Variants in PEX5L observed in about 807,000 individuals in gnomAD.
PEX5L encodes the protein peroxisomal biogenesis factor 5 like.
A neutral mutation model predicts 84.0 loss-of-function variants in PEX5L; 30 were observed. The ratio of observed to expected loss-of-function variants is 0.36; its 90% CI spans 0.27 to 0.48. The LOEUF is 0.48. Ranked by LOEUF, PEX5L falls within the 20% of genes least tolerant of loss-of-function variation. The pLI is 0.99. For synonymous variants in PEX5L, 270 were observed against 283.1 expected (o/e 0.95, Z 0.46); for missense variants, 533 against 754.6 (o/e 0.71, Z 3.44).
chr3:179,894,332 TGCCTGA>T (rs1338895338), intron 3 of PEX5L, among the ~76,000 whole-genome samples: 1 of 152,112 alleles, frequency 6.6e-6, no homozygotes, highest in African/African-American at 2.4e-5. Flanking sequence ...GTAACTCTGA[TGCCTGA>T]CAGAATTCAT....
intron 1 of PEX5L, among the ~76,000 whole-genome samples, chr3:179,989,367 CTTAGT>C (rs1787174386): frequency 6.6e-6 from 1 of 152,114 alleles, no homozygotes; most frequent in South Asian, 2.1e-4. Context: ...GCTCACCATG[CTTAGT>C]TTACATATTC....
At chr3:179,830,920 G>T (rs1732611354) in intron 8 of PEX5L, among the ~76,000 whole-genome samples, 3 of 152,156 alleles carry the variant, frequency 2.0e-5, no homozygotes, top group Non-Finnish European at 4.4e-5. Flanking sequence ...TCACTTGCCT[G>T]TATTAGCAAG....
chr3:179,847,417 G>A (rs186527641), intron 8 of PEX5L, among the ~76,000 whole-genome samples: 3 of 152,118 alleles, frequency 2.0e-5, no homozygotes, highest in Admixed American at 6.5e-5. Flanking sequence ...GAGGTATAAC[G>A]GGTTGCCCTC....
At position 179,820,048 on chromosome 3, in the gene PEX5L, C is replaced by T; in HGVS notation, c.823-72G>A. ...CATCATCTGTGTTTTTCTTCCCCCC[C>T]TAATAGATAAAAGAGGCTTCTGGGG... On this transcript the variant is annotated intron_variant, in intron 8 of 14. Transcript: ENST00000467460. 1.9e-6 allele frequency: 3 copies of T among 1,599,398 alleles called. No individual in the cohort carries two copies. In the South Asian group the frequency reaches 3.4e-5, roughly 18 times the overall value.
chr3:179,982,828 A>G (rs773226919), intron 1 of PEX5L, among the ~76,000 whole-genome samples: 11 of 152,096 alleles, frequency 7.2e-5, no homozygotes, highest in Middle Eastern at 3.2e-3. Context: ...GAGATGAAGC[A>G]AGGCTTTAGT....
chr3:179,876,495 TAA>T (rs566975818), intron 5 of PEX5L, among the ~76,000 whole-genome samples: 5 of 138,644 alleles, frequency 3.6e-5, no homozygotes, highest in Non-Finnish European at 4.7e-5. Flanking sequence ...AAACTCTGTC[TAA>T]AAAAAAAAAA....
chr3:179,819,672 T>G (rs891876091), intron 9 of PEX5L, among the ~76,000 whole-genome samples, 188 bp downstream of exon 9: 4 of 152,242 alleles, frequency 2.6e-5, no homozygotes, highest in Non-Finnish European at 4.4e-5. Context: ...TCATTCCAAC[T>G]TGGCTGCCTT....
rs778202286 is a variant in PEX5L at position 179,808,418 on chromosome 3, T to C, written c.1372A>G (p.Lys458Glu). ...PVDSSVLEGV[K>E]ELYLEAAHQN... ...TGGGCAGCTTCCAGATATAATTCCT[T>C]CACCCCTTCCAGAACAGAGCTACAA... Residue 458 changes from lysine (K) to glutamate (E), a missense_variant, in exon 13 of 15, where the codon AAG (lysine) becomes GAG (glutamate). Around this residue, in one of 8 missense-constraint regions of PEX5L, gnomAD observed 63 missense variants for 60.2 expected, o/e 1.05. Transcript: ENST00000467460. 5.8e-6 allele frequency: 9 copies of C among 1,553,054 alleles called. No individual in the cohort carries two copies. The African/African-American group carries it at 1.3e-4, about 22-fold the overall frequency.
chr3:179,839,819 CA>C (rs1428886420), intron 8 of PEX5L, among the ~76,000 whole-genome samples: 2 of 152,104 alleles, frequency 1.3e-5, no homozygotes, highest in African/African-American at 4.8e-5. Flanking sequence ...TAGTTATTAG[CA>C]CTGCAAATAA....
At position 180,023,044 on chromosome 3, in the gene PEX5L, T is replaced by C. The variant is rs145978768; in HGVS notation, c.21+13535A>G. On this transcript the variant is annotated intron_variant, in intron 1 of 14. Coordinates refer to ENST00000467460, the MANE Select transcript of PEX5L (RefSeq NM_016559.3). The stretch of plus-strand genomic sequence containing the variant: ...ATTTTATCTCCTGTTAGTTGAGTCA[T>C]TTTGCAGCGGCTGAGGTACCGACAT... Among the ~76,000 whole-genome samples, 197 of 152,300 alleles carry C rather than the reference T, an allele frequency of 1.3e-3. 3 individuals carry two copies. Among genetic ancestry groups the C allele is most frequent in the African/African-American group, 4.5e-3 (189 of 41,564 alleles).
intron 8 of PEX5L, among the ~76,000 whole-genome samples, chr3:179,820,779 T>C (rs902399544): frequency 3.3e-5 from 5 of 152,254 alleles, no homozygotes; most frequent in Non-Finnish European, 5.9e-5. Flanking sequence ...TTGACTCCTA[T>C]TTTATTAAGC....
At chr3:179,868,596 G>A (rs1256403884) in intron 7 of PEX5L, among the ~76,000 whole-genome samples, 1 of 152,128 alleles carries the variant, frequency 6.6e-6, no homozygotes, top group Non-Finnish European at 1.5e-5. Context: ...GATCTGTAGA[G>A]AATCTGTATT....
intron 2 of PEX5L, among the ~76,000 whole-genome samples, chr3:179,970,294 C>T (rs1424994072): frequency 6.6e-6 from 1 of 152,032 alleles, no homozygotes; most frequent in East Asian, 1.9e-4. Context: ...GTCCTTTGAT[C>T]AGAATCCCAG....
At position 179,858,362 on chromosome 3, in the gene PEX5L, T is replaced by TA. The variant is rs544664718; in HGVS notation, c.822+699dup. The stretch of plus-strand genomic sequence containing the variant: ...GAGTCTACCCGGGAAGGAAATGCAT[T>TA]AAAAAAACAGCAAAAGTTGCTTTCT... On this transcript the variant is annotated intron_variant, in intron 8 of 14. Transcript: ENST00000467460. Among the ~76,000 whole-genome samples the TA allele has an allele frequency of 3.3e-3, 498 of 152,198 alleles. 1 individual carries two copies. The highest frequency in any genetic ancestry group is 5.2e-3 in the Non-Finnish European group (355 of 68,004).
At chr3:179,979,212 T>C (rs1786082891) in intron 1 of PEX5L, among the ~76,000 whole-genome samples, 1 of 151,374 alleles carries the variant, frequency 6.6e-6, no homozygotes, top group African/African-American at 2.4e-5. Flanking sequence ...TAAATTCATT[T>C]TAATCCTCTT....
chr3:179,981,829 T>C (rs778009530), intron 1 of PEX5L, among the ~76,000 whole-genome samples: 7 of 152,144 alleles, frequency 4.6e-5, no homozygotes, highest in Non-Finnish European at 7.4e-5. Flanking sequence ...AGGGAGTCTG[T>C]TTAAAAAGAT....
intron 2 of PEX5L, among the ~76,000 whole-genome samples, chr3:179,939,456 T>A (rs183373480): frequency 6.6e-6 from 1 of 152,162 alleles, no homozygotes; most frequent in South Asian, 2.1e-4. Context: ...TAAAGCAAGA[T>A]GTTCAGAGGG....
intron 14 of PEX5L, among the ~76,000 whole-genome samples, chr3:179,806,130 A>T (rs535664538): frequency 1.2e-4 from 19 of 152,086 alleles, no homozygotes; most frequent in Non-Finnish European, 2.4e-4. Context: ...TGTTCTAAAA[A>T]AAAAGGAATC....
At chr3:180,013,046 G>C (rs1789629144) in intron 1 of PEX5L, among the ~76,000 whole-genome samples, 2 of 152,116 alleles carry the variant, frequency 1.3e-5, no homozygotes, top group Admixed American at 1.3e-4. Context: ...CTGTAGTTTT[G>C]GTAGCAGTAT....
Sources: gnomAD v4.1 joint callset for allele counts (sites outside exome capture counted in the v4.1 genomes callset) on GRCh38, gnomAD v4.1.1 for gene constraint, gnomAD v4.1.1 regional missense constraint, MANE v1.5 for transcripts, NCBI Gene and HGNC (gene_info 2026-07-23, HGNC 2026-07-21) for gene names.